PFKFB3: variants seen among roughly 807,000 people sequenced by gnomAD.
The protein encoded by PFKFB3 is 6-phosphofructo-2-kinase/fructose-2,6-bisphosphatase 3.
A neutral mutation model predicts 68.0 loss-of-function variants in PFKFB3; 33 were observed. The ratio of observed to expected loss-of-function variants is 0.49; its 90% confidence interval spans 0.37 to 0.65. The LOEUF is 0.65. Among genes scored for constraint, PFKFB3 ranks in the 30% least tolerant of loss-of-function variants. PFKFB3 has a pLI of 0.00. For synonymous variants in PFKFB3, 315 were observed against 288.2 expected (o/e 1.09, Z -0.94); for missense variants, 586 against 712.2 (o/e 0.82, Z 2.02).
At chr10:6,299,574 G>A in the PFKFB3 span, among the ~76,000 whole-genome samples, 1,624 of 152,296 alleles carry the variant, frequency 0.011, 32 homozygotes, top group African/African-American at 0.037. Context: ...TGTTAAGACC[G>A]ATAAAGGGTA....
At position 6,210,044 on chromosome 10, in the gene PFKFB3, G is replaced by A. The variant is rs901513260; in HGVS notation, c.77-3579G>A. Among the ~76,000 whole-genome samples the A allele has an allele frequency of 1.4e-4, 17 of 124,448 alleles. 3 individuals are homozygous for A. The South Asian group carries it at 2.6e-3, about 19-fold the overall frequency. The allele number at this position is 124,448 out of a possible 152,430, so 81.6% of individuals were successfully genotyped here. On this transcript the variant is annotated intron_variant, in intron 1 of 14. Transcript: ENST00000379775. ...TGGGATTACAGGCGTGAGCCACCGT[G>A]CCCGGCCTAATACTTATCTTTTCTA...
the PFKFB3 span, among the ~76,000 whole-genome samples, chr10:6,279,931 A>G: frequency 2.6e-5 from 3 of 115,964 alleles, no homozygotes; most frequent in Non-Finnish European, 4.0e-5. Context: ...CTGTGAAGGA[A>G]GGCCTCTTGG....
At chr10:6,321,930 C>T in the PFKFB3 span, among the ~76,000 whole-genome samples, 231 of 152,312 alleles carry the variant, frequency 1.5e-3, no homozygotes, top group African/African-American at 5.4e-3. Flanking sequence ...CCAGGGCTTC[C>T]GCTCAAGACC....
At chr10:6,257,806 C>A (rs1349573682), downstream of PFKFB3, among the ~76,000 whole-genome samples, 1 of 152,080 alleles carries the variant, frequency 6.6e-6, no homozygotes, top group Non-Finnish European at 1.5e-5. Context: ...AGGAACAAGT[C>A]AGGATGTAAT....
Position 6,202,954 on chromosome 10 carries a change from G to C in PFKFB3, c.-307G>C, listed in dbSNP as rs560979015. ...CCCAGCCAAGCCGGAGAGGAGGCGA[G>C]CAGCAGGGCCTGGTGGCGAGAGCGC... On this transcript the variant is annotated 5_prime_UTR_variant, in exon 1 of 15. Transcript: ENST00000379775. The C allele has an allele frequency of 1.3e-5, 17 of 1,261,782 alleles. No individual in the cohort carries two copies. Among genetic ancestry groups the C allele is most frequent in the Non-Finnish European group, 1.7e-5 (17 of 1,001,598 alleles). 78.2% of individuals were successfully genotyped at this position (1,261,782 alleles called of 1,614,324 possible). A position where few individuals can be genotyped will look rare whatever the true frequency, so the allele number is the denominator to read the frequency against.
At chr10:6,276,790 T>C in the PFKFB3 span, among the ~76,000 whole-genome samples, 13 of 151,982 alleles carry the variant, frequency 8.6e-5, no homozygotes, top group African/African-American at 3.1e-4. Flanking sequence ...AACCATGATA[T>C]TGAGATTGGG....
At chr10:6,225,759 C>A (rs1297505386) in intron 13 of PFKFB3, among the ~76,000 whole-genome samples, 1 of 150,762 alleles carries the variant, frequency 6.6e-6, no homozygotes, top group Non-Finnish European at 1.5e-5. Context: ...TGCCTCGGGT[C>A]AGCGGAAGGG....
At chr10:6,149,366 C>T (rs1451732883) in intron 1 of PFKFB3, among the ~76,000 whole-genome samples, 2 of 151,926 alleles carry the variant, frequency 1.3e-5, no homozygotes, top group African/African-American at 4.8e-5. Context: ...GCGGGTGGAT[C>T]ACCTGAGGTC....
At chr10:6,251,306 T>C (rs961079429) in intron 14 of PFKFB3, among the ~76,000 whole-genome samples, 1 of 152,206 alleles carries the variant, frequency 6.6e-6, no homozygotes, top group African/African-American at 2.4e-5. Flanking sequence ...CCATCCAGAC[T>C]CAGCCGTCAT....
intron 14 of PFKFB3, among the ~76,000 whole-genome samples, chr10:6,230,830 C>T (rs1845690647): frequency 6.6e-6 from 1 of 152,086 alleles, no homozygotes; most frequent in African/African-American, 2.4e-5. Context: ...ATTCTCCTGC[C>T]TCAACCTCCC....
chr10:6,309,437 C>A, the PFKFB3 span, among the ~76,000 whole-genome samples: 7 of 152,072 alleles, frequency 4.6e-5, no homozygotes, highest in Non-Finnish European at 8.8e-5. Context: ...GCCTGGGCAA[C>A]ATGGCGAAAC....
downstream of PFKFB3, among the ~76,000 whole-genome samples, chr10:6,235,823 G>T (rs1164901587): frequency 6.8e-6 from 1 of 147,326 alleles, no homozygotes; most frequent in African/African-American, 2.5e-5. Flanking sequence ...CTGGAGTGCA[G>T]TGGCGCGATC....
chr10:6,183,224 G>T (rs7911111), intron 1 of PFKFB3, among the ~76,000 whole-genome samples: 5 of 151,948 alleles, frequency 3.3e-5, no homozygotes, highest in African/African-American at 9.7e-5. Context: ...GAACAGCTGC[G>T]GAATGGCTTG....
chr10:6,241,847 C>CTT (rs200489171), intron 14 of PFKFB3, among the ~76,000 whole-genome samples: 14 of 134,280 alleles, frequency 1.0e-4, no homozygotes, highest in South Asian at 2.4e-4. Context: ...GCTTTCTTTT[C>CTT]TTTTTTTTTT....
intron 1 of PFKFB3, among the ~76,000 whole-genome samples, chr10:6,190,068 C>G (rs376585837): frequency 2.0e-5 from 3 of 151,958 alleles, no homozygotes; most frequent in Non-Finnish European, 4.4e-5. Context: ...CTCAGCCTTC[C>G]GAGTAGCTGG....
Position 6,217,071 on chromosome 10 carries a change from A to G in PFKFB3, c.442-64A>G. On this transcript the variant is annotated intron_variant, in intron 5 of 14. Transcript: ENST00000379775. ...CGCCTTGTCCGGGTGATGACATCGC[A>G]GTGATGGCAAGGTTGATCCTTCGTG... is the stretch of plus-strand genomic sequence containing the variant. 2.7e-6 allele frequency: 4 copies of G among 1,495,562 alleles called. No homozygotes were observed. In the African/African-American group the frequency reaches 5.5e-5, roughly 21 times the overall value. The allele number at this position is 1,495,562 out of a possible 1,614,324, so 92.6% of individuals were successfully genotyped here.
the PFKFB3 span, among the ~76,000 whole-genome samples, chr10:6,283,895 G>A: frequency 6.6e-6 from 1 of 152,088 alleles, no homozygotes; most frequent in South Asian, 2.1e-4. Flanking sequence ...GTCAGATCAT[G>A]CCTCCCAGTA....
chr10:6,233,341 TG>T lies in PFKFB3; in HGVS notation c.*401del, dbSNP rs1234915078. On this transcript the variant is annotated 3_prime_UTR_variant, in exon 15 of 15. Transcript: ENST00000379775. ...TTTGGAGCTGGGAAGACCACACTGG[TG>T]GCAGAATCCTAAAATTAAAGGAGGC... The T allele has an allele frequency of 1.7e-4, 30 of 174,736 alleles. No homozygotes were observed. 10.8% of individuals were successfully genotyped at this position (174,736 alleles called of 1,614,324 possible). A position where few individuals can be genotyped will look rare whatever the true frequency, so the allele number is the denominator to read the frequency against.
At chr10:6,295,554 C>T in the PFKFB3 span, among the ~76,000 whole-genome samples, 3 of 151,506 alleles carry the variant, frequency 2.0e-5, no homozygotes, top group South Asian at 2.1e-4. Context: ...GCTGAAATCC[C>T]GTTATTATAC....
Sources: gnomAD v4.1 joint callset for allele counts (sites outside exome capture counted in the v4.1 genomes callset) on GRCh38, gnomAD v4.1.1 for gene constraint, MANE v1.5 for transcripts, NCBI Gene and HGNC (gene_info 2026-07-23, HGNC 2026-07-21) for gene names.